IGF2R: variants seen among roughly 807,000 people sequenced by gnomAD.
IGF2R encodes cation-independent mannose-6-phosphate receptor.
In IGF2R, 91 loss-of-function variants were observed where a neutral mutation model predicts 270.6. The observed-to-expected ratio is 0.34, with a 90% confidence interval of 0.28 to 0.40. The LOEUF (loss-of-function observed/expected upper bound fraction) is 0.40, where lower values mean the gene tolerates loss of function less well. IGF2R is among the 10% of genes least tolerant of loss of function. IGF2R has a pLI of 1.00. For missense variants in IGF2R, 2,805 were observed against 3,188.3 expected (o/e 0.88, Z 2.90); for synonymous variants, 1,316 against 1,258.9 (o/e 1.05, Z -0.96).
chr6:160,043,278 G>A lies in IGF2R; in HGVS notation c.1611G>A (p.Val537=). ...KARGCPEDAA[V]CAVDKNGSKN... ...GAGGGTGTCCCGAGGACGCGGCAGT[G>A]TGTGCAGTGGGTGAGTTGTGCCTGG... The change falls in exon 12 of 48, where the codon GTG becomes GTA. Residue 537 remains valine, a synonymous_variant. Coordinates refer to ENST00000356956, the MANE Select transcript of IGF2R (RefSeq NM_000876.4). 1 of 1,613,992 alleles carries A rather than the reference G, an allele frequency of 6.2e-7. No individual in the cohort carries two copies. The highest frequency in any genetic ancestry group is 1.7e-5 in the Admixed American group (1 of 59,984).
intron 45 of IGF2R, among the ~76,000 whole-genome samples, chr6:160,101,017 C>G (rs1162362724): frequency 1.3e-5 from 2 of 151,374 alleles, no homozygotes; most frequent in African/African-American, 4.9e-5. Context: ...GTCTCAAACT[C>G]CTGACCTCAG....
chr6:160,001,633 C>T (rs1784131486), intron 2 of IGF2R, among the ~76,000 whole-genome samples: 1 of 152,056 alleles, frequency 6.6e-6, no homozygotes, highest in Admixed American at 6.5e-5. Flanking sequence ...ATATTAAGAC[C>T]TCAATGCTGG....
At chr6:160,093,491 C>T (rs1779277222) in intron 44 of IGF2R, 1 of 539,646 alleles carries the variant, frequency 1.9e-6, no homozygotes, top group Admixed American at 2.6e-5. Flanking sequence ...CTGGCTTTTC[C>T]CACAGTCAAA....
chr6:160,076,120 TG>T (rs1200347431), intron 36 of IGF2R, 124 bp downstream of exon 36: 1 of 934,822 alleles, frequency 1.1e-6, no homozygotes, highest in Non-Finnish European at 1.7e-6. Flanking sequence ...TTGGGTAAGA[TG>T]GTACGCTAGT....
Position 160,069,951 on chromosome 6 carries a change from T to C in IGF2R, c.4336T>C (p.Trp1446Arg). The change falls in exon 31 of 48, where the codon TGG becomes CGG. Residue 1446 changes from tryptophan to arginine, a missense_variant. Trp to Arg is a moderately radical substitution (Grantham distance 101). Coordinates refer to ENST00000356956, the MANE Select transcript of IGF2R (RefSeq NM_000876.4). Reference protein sequence around the residue: ...NLGRVRDGPQWRDGIIVLKYV... With the variant: ...NLGRVRDGPQRRDGIIVLKYV... The stretch of plus-strand genomic sequence containing the variant: ...CGGCAGGGTAAGGGACGGACCTCAG[T>C]GGAGAGATGGCATAATTGTCCTGAA... 1 of 1,614,182 alleles carries C rather than the reference T, an allele frequency of 6.2e-7. No individual in the cohort carries two copies. The highest frequency in any genetic ancestry group is 8.5e-7 in the Non-Finnish European group (1 of 1,180,026).
rs767214007 is a variant in IGF2R at position 160,047,159 on chromosome 6, T to A, written c.2052T>A (p.Ser684Arg). 2.5e-6 allele frequency: 4 copies of A among 1,613,920 alleles called. No homozygotes were observed. Residue 684 changes from serine (S) to arginine (R), a missense_variant and splice_region_variant, in exon 16 of 48, where the codon AGT becomes AGA. By Grantham distance (110) the Ser-to-Arg change is moderately radical (BLOSUM62 -1). Coordinates refer to ENST00000356956, the MANE Select transcript of IGF2R (RefSeq NM_000876.4). ...TGAGAGAAACGTGTGTTTATTTCAGTGATGAGAAGACTTGGAACTTGGGTC... is the reference window on the plus strand; with the variant it reads ...TGAGAGAAACGTGTGTTTATTTCAGAGATGAGAAGACTTGGAACTTGGGTC... ...PDSGACQVAK[S>R]DEKTWNLGLS...
At chr6:160,065,759 G>A (rs1160126868) in intron 29 of IGF2R, among the ~76,000 whole-genome samples, 3 of 142,814 alleles carry the variant, frequency 2.1e-5, no homozygotes, top group East Asian at 2.0e-4. Context: ...TGCACATAAA[G>A]CATTTTTCCT....
chr6:160,084,217 C>A lies in IGF2R; in HGVS notation c.6068+33C>A. On this transcript the variant is annotated intron_variant, in intron 40 of 47. Coordinates refer to ENST00000356956, the MANE Select transcript of IGF2R (RefSeq NM_000876.4). This position sits in a 1 kb window ranked among gnomAD's most constrained non-coding sequence, Gnocchi z 4.6. ...CCTTCCCAGTCCACCCGCGGCGCCA[C>A]ACCCTCAGCATGTGAACTTCAGACT... 7.6e-7 allele frequency: 1 copy of A among 1,309,284 alleles called. No homozygotes were observed. The highest frequency in any genetic ancestry group is 1.1e-6 in the Non-Finnish European group (1 of 904,290). 81.1% of individuals were successfully genotyped at this position (1,309,284 alleles called of 1,614,324 possible).
intron 29 of IGF2R, among the ~76,000 whole-genome samples, chr6:160,067,157 G>C (rs1778603206): frequency 1.3e-5 from 2 of 152,148 alleles, no homozygotes; most frequent in Non-Finnish European, 2.9e-5. Flanking sequence ...CTTTCACTCT[G>C]TTCCAGCCAC....
intron 1 of IGF2R, among the ~76,000 whole-genome samples, chr6:159,984,155 T>C (rs939334163): frequency 6.6e-6 from 1 of 152,234 alleles, no homozygotes; most frequent in Non-Finnish European, 1.5e-5. Flanking sequence ...GCCTTTACGA[T>C]ATAAGTAGTA....
At chr6:160,046,397 C>A in intron 14 of IGF2R, 101 bp from the exon 15 acceptor site, 1 of 1,182,722 alleles carries the variant, frequency 8.5e-7, no homozygotes, top group Non-Finnish European at 1.2e-6. Context: ...CCGTTGGGAA[C>A]CTCCTGGGAA....
chr6:159,977,321 A>C (rs1288662681), intron 1 of IGF2R, among the ~76,000 whole-genome samples: 1 of 152,144 alleles, frequency 6.6e-6, no homozygotes, highest in Admixed American at 6.5e-5. Flanking sequence ...GTGGGTCTCC[A>C]CCCGACCTTG....
intron 4 of IGF2R, 93 bp downstream of exon 4, chr6:160,010,878 C>G: frequency 1.4e-6 from 1 of 690,198 alleles, no homozygotes; most frequent in Non-Finnish European, 2.5e-6. Context: ...GGGTGAAAAT[C>G]TTTTTTAGCT....
At position 160,044,613 on chromosome 6, in the gene IGF2R, A is replaced by C. The variant is rs1251939390; in HGVS notation, c.1721A>C (p.His574Pro). 2 of 1,610,664 alleles carry C rather than the reference A, an allele frequency of 1.2e-6. No homozygotes were observed. Among genetic ancestry groups the C allele is most frequent in the Admixed American group, 3.4e-5 (2 of 59,552 alleles). ...TATTCAGATGGTGATGATTGTGGTC[A>C]TGGCAAGAAAATTAAAACTAATATC... is the stretch of plus-strand genomic sequence containing the variant. ...LSYSDGDDCG[H>P]GKKIKTNITL... Residue 574 changes from histidine (H) to proline (P), a missense_variant, in exon 13 of 48, where the codon CAT becomes CCT. Coordinates refer to ENST00000356956, the MANE Select transcript of IGF2R (RefSeq NM_000876.4).
intron 1 of IGF2R, among the ~76,000 whole-genome samples, chr6:159,976,655 T>G (rs1783698408): frequency 6.6e-6 from 1 of 152,228 alleles, no homozygotes; most frequent in African/African-American, 2.4e-5. Context: ...ACTTTTTTTT[T>G]TCTCCATATT....
At position 160,108,778 on chromosome 6, in the gene IGF2R, G is replaced by A. The variant is rs9355776; in HGVS notation, c.*3694G>A. 0.2 allele frequency: 30,507 copies of A among 152,132 alleles called. 3,413 individuals are homozygous for A. Among genetic ancestry groups the A allele is most frequent in the East Asian group, 0.4 (2,045 of 5,158 alleles). 9.4% of individuals were successfully genotyped at this position (152,132 alleles called of 1,614,324 possible). ...GCTCACTGCAATCTCTGCCTCCCGG[G>A]TTCAAGGGATTCTCCTGCCTCAGCC... is the stretch of plus-strand genomic sequence containing the variant. On this transcript the variant is annotated 3_prime_UTR_variant, in exon 48 of 48. Transcript: ENST00000356956.
chr6:160,065,036 A>G (rs2115265829), intron 29 of IGF2R, 135 bp downstream of exon 29: 1 of 648,564 alleles, frequency 1.5e-6, no homozygotes, highest in Non-Finnish European at 2.8e-6. Flanking sequence ...TCATATTAAA[A>G]TGAGGAGTCG....
At chr6:160,020,266 A>G (rs907145105) in intron 4 of IGF2R, among the ~76,000 whole-genome samples, 7 of 152,134 alleles carry the variant, frequency 4.6e-5, no homozygotes, top group Non-Finnish European at 1.0e-4. Context: ...AAATCTCTAC[A>G]AGGAAAACTG....
chr6:160,021,749 A>AG (rs1777440655), intron 4 of IGF2R, among the ~76,000 whole-genome samples: 1 of 152,302 alleles, frequency 6.6e-6, no homozygotes, highest in African/African-American at 2.4e-5. Flanking sequence ...GCAGAGTTGC[A>AG]GAAAAAAAAG....
Sources: gnomAD v4.1 joint callset for allele counts (sites outside exome capture counted in the v4.1 genomes callset) on GRCh38, gnomAD v4.1.1 for gene constraint, Gnocchi (gnomAD v3.1) non-coding constraint, MANE v1.5 for transcripts, NCBI Gene and HGNC (gene_info 2026-07-23, HGNC 2026-07-21) for gene names.